TEX9: variants seen among roughly 807,000 people sequenced by gnomAD.
TEX9 encodes testis-expressed protein 9.
In TEX9, 74 loss-of-function variants were observed where a neutral mutation model predicts 59.6. That is an observed-to-expected ratio of 1.24 (90% CI 1.03 to 1.51). The LOEUF is 1.51. Ranked by LOEUF, TEX9 falls within the 40% of genes most tolerant of loss-of-function variation. The probability of loss-of-function intolerance (pLI) is 0.00; values close to 1 mark genes in which losing one functional copy is unlikely to be tolerated. For missense variants in TEX9, 522 were observed against 447.8 expected, an observed-to-expected ratio of 1.17 and a Z score of -1.49; for synonymous variants, 186 against 152.2, an observed-to-expected ratio of 1.22 and a Z score of -1.64.
chr15:56,311,468 T>C (rs1490885914), intron 1 of TEX9, among the ~76,000 whole-genome samples: 88 of 123,726 alleles, frequency 7.1e-4, no homozygotes, highest in African/African-American at 2.4e-3. Flanking sequence ...ACAAAGGACA[T>C]GAACTCATCA....
intron 1 of TEX9, among the ~76,000 whole-genome samples, chr15:56,256,021 T>C (rs1319214123): frequency 6.6e-6 from 1 of 152,026 alleles, no homozygotes; most frequent in Non-Finnish European, 1.5e-5. Flanking sequence ...ATAAAAGTTG[T>C]AATTAATAAG....
At chr15:56,341,168 C>T (rs1239580549) in intron 1 of TEX9, among the ~76,000 whole-genome samples, 16 of 152,134 alleles carry the variant, frequency 1.1e-4, no homozygotes, top group African/African-American at 3.9e-4. Flanking sequence ...AGTTTTTATA[C>T]CTGGCTTTGA....
intron 1 of TEX9, among the ~76,000 whole-genome samples, chr15:56,334,712 G>C (rs2046225711): frequency 6.6e-6 from 1 of 152,068 alleles, no homozygotes; most frequent in African/African-American, 2.4e-5. Context: ...AAAGTGAAGA[G>C]ACAACCCACA....
intron 12 of TEX9, among the ~76,000 whole-genome samples, chr15:56,435,847 T>C (rs1424338625): frequency 1.3e-5 from 2 of 151,926 alleles, no homozygotes; most frequent in Non-Finnish European, 2.9e-5. Context: ...GCTACCAATA[T>C]AAAAAATTAC....
At chr15:56,393,493 T>A (rs1321104481) in intron 7 of TEX9, among the ~76,000 whole-genome samples, 1 of 152,126 alleles carries the variant, frequency 6.6e-6, no homozygotes, top group Non-Finnish European at 1.5e-5. Flanking sequence ...ATGGTAAGGG[T>A]TGTTTTATAA....
chr15:56,369,623 G>A (rs550593284), intron 2 of TEX9, among the ~76,000 whole-genome samples: 1 of 152,120 alleles, frequency 6.6e-6, no homozygotes, highest in South Asian at 2.1e-4. Context: ...GCCCAGCCTA[G>A]TTTATTTTAA....
chr15:56,362,316 A>C (rs549870408), upstream of TEX9, among the ~76,000 whole-genome samples: 38 of 152,260 alleles, frequency 2.5e-4, no homozygotes, highest in African/African-American at 8.9e-4. Flanking sequence ...TTTTTGCCTC[A>C]TGCATTTTGA....
At chr15:56,426,644 C>T (rs1444500267) in intron 10 of TEX9, among the ~76,000 whole-genome samples, 1 of 121,214 alleles carries the variant, frequency 8.2e-6, no homozygotes. Context: ...CACAAACACA[C>T]ACACACACAC....
At chr15:56,278,933 G>C (rs1396764149) in intron 1 of TEX9, among the ~76,000 whole-genome samples, 1 of 151,730 alleles carries the variant, frequency 6.6e-6, no homozygotes, top group African/African-American at 2.4e-5. Flanking sequence ...ATTAAAAAGG[G>C]GTCTTCCTCC....
chr15:56,394,488 T>A (rs1159638386), intron 8 of TEX9, 173 bp from the exon 9 acceptor site: 1 of 638,072 alleles, frequency 1.6e-6, no homozygotes, highest in Non-Finnish European at 2.6e-6. Flanking sequence ...GTGTAAGCTA[T>A]TAAATGCAAA....
At chr15:56,317,814 TTTTCCAAA>T in intron 1 of TEX9, among the ~76,000 whole-genome samples, 1 of 152,296 alleles carries the variant, frequency 6.6e-6, no homozygotes, top group Middle Eastern at 3.4e-3. Context: ...TATCTGAGAA[TTTTCCAAA>T]TTTCCTTCTC....
the TEX9 span, among the ~76,000 whole-genome samples, chr15:56,452,335 C>T: frequency 9.2e-5 from 14 of 152,180 alleles, no homozygotes; most frequent in Middle Eastern, 3.4e-3. Flanking sequence ...CTTAATTCCC[C>T]GAGCAATGAG....
At chr15:56,412,464 G>A (rs376433500) in intron 10 of TEX9, 28 bp downstream of exon 10, 10 of 1,584,030 alleles carry the variant, frequency 6.3e-6, no homozygotes, top group Non-Finnish European at 8.5e-6. Context: ...AGCTTTTGTA[G>A]TGATCCCTTT....
intron 1 of TEX9, among the ~76,000 whole-genome samples, chr15:56,350,615 T>A (rs1476436167): frequency 6.6e-6 from 1 of 152,218 alleles, no homozygotes; most frequent in Non-Finnish European, 1.5e-5. Flanking sequence ...TCTGAACTTT[T>A]ATTTAGCCTA....
At chr15:56,327,386 A>T (rs1341782283) in intron 1 of TEX9, among the ~76,000 whole-genome samples, 1 of 152,200 alleles carries the variant, frequency 6.6e-6, no homozygotes, top group Non-Finnish European at 1.5e-5. Context: ...TGTTTATTAA[A>T]ACAATGCTTA....
chr15:56,404,953 C>T (rs532237148), intron 9 of TEX9, among the ~76,000 whole-genome samples: 47 of 152,060 alleles, frequency 3.1e-4, no homozygotes, highest in African/African-American at 9.9e-4. Context: ...GGACACAGGG[C>T]GGGAACATCA....
At chr15:56,409,791 C>T (rs1193811629) in intron 9 of TEX9, 1 of 152,442 alleles carries the variant, frequency 6.6e-6, no homozygotes, top group East Asian at 1.9e-4. Context: ...GCCACTGTGC[C>T]TGGCCTCCCT....
At chr15:56,372,186 A>G (rs764469749) in intron 2 of TEX9, among the ~76,000 whole-genome samples, 1 of 152,212 alleles carries the variant, frequency 6.6e-6, no homozygotes, top group Non-Finnish European at 1.5e-5. Flanking sequence ...GAAATTTGAA[A>G]AATCAGGTAA....
intron 1 of TEX9, among the ~76,000 whole-genome samples, chr15:56,334,674 C>T (rs2046224724): frequency 6.6e-6 from 1 of 152,108 alleles, no homozygotes; most frequent in South Asian, 2.1e-4. Flanking sequence ...AGTTAAAAAG[C>T]TCCTACACAA....
Sources: gnomAD v4.1 joint callset for allele counts (sites outside exome capture counted in the v4.1 genomes callset) on GRCh38, gnomAD v4.1.1 for gene constraint, MANE v1.5 for transcripts, NCBI Gene and HGNC (gene_info 2026-07-23, HGNC 2026-07-21) for gene names.